The following CDCA2 variants were observed in gnomAD, a reference collection of about 807,000 sequenced individuals.
The protein encoded by CDCA2 is cell division cycle-associated protein 2.
In CDCA2, 44 loss-of-function variants were observed where a neutral mutation model predicts 67.0. That is an observed-to-expected ratio of 0.66 (90% CI 0.52 to 0.84). The LOEUF (loss-of-function observed/expected upper bound fraction) is 0.84, where lower values mean the gene tolerates loss of function less well. CDCA2 is among the 40% of genes least tolerant of loss of function. The probability of loss-of-function intolerance (pLI) is 0.00; values close to 1 mark genes in which losing one functional copy is unlikely to be tolerated. For missense variants in CDCA2, 1,253 were observed against 1,203.2 expected, an observed-to-expected ratio of 1.04 and a Z score of -0.61; for synonymous variants, 447 against 418.7, an observed-to-expected ratio of 1.07 and a Z score of -0.82.
chr8:25,470,218 G>A (rs985818198), intron 7 of CDCA2, among the ~76,000 whole-genome samples: 1 of 152,148 alleles, frequency 6.6e-6, no homozygotes, highest in Non-Finnish European at 1.5e-5. Context: ...TAAAGAGGTA[G>A]CACCTATGAA....
intron 14 of CDCA2, among the ~76,000 whole-genome samples, chr8:25,504,641 G>A (rs964474030): frequency 3.9e-5 from 6 of 152,196 alleles, no homozygotes; most frequent in African/African-American, 1.2e-4. Context: ...TAGCACAGGA[G>A]TTTAAATAAA....
chr8:25,477,017 T>G (rs1803379228), intron 7 of CDCA2, among the ~76,000 whole-genome samples: 2 of 152,214 alleles, frequency 1.3e-5, no homozygotes, highest in Non-Finnish European at 2.9e-5. Flanking sequence ...AGGATTGCCT[T>G]CTAGCCAGAA....
rs764666541 is a variant in CDCA2, at chr8:25,460,436, T to C, written c.114T>C (p.His38=). The part of the protein sequence containing the change: ...GTGKIVTPQK[H]AELPPNPCTP... ...GGAAGATTGTGACTCCTCAGAAGCA[T>C]GCCGAATTACCTCCTAATCCTTGCA... Residue 38 remains histidine, a synonymous_variant, in exon 3 of 15, where the codon CAT becomes CAC. Coordinates refer to ENST00000330560, the MANE Select transcript of CDCA2 (RefSeq NM_152562.4). The C allele has an allele frequency of 2.2e-5, 36 of 1,614,220 alleles. 2 individuals carry two copies. In the Admixed American group the frequency reaches 5.8e-4, roughly 26 times the overall value.
chr8:25,480,275 A>G lies in CDCA2; in HGVS notation c.1032+151A>G, dbSNP rs1056782111. On this transcript the variant is annotated intron_variant, in intron 8 of 14. Coordinates refer to ENST00000330560, the MANE Select transcript of CDCA2 (RefSeq NM_152562.4). ...TTTTTTTCCTCATCTTTTCTTATTA[A>G]CAACACTGGGTGTAGTTTCTTTTTG... 22 of 652,882 alleles carry G rather than the reference A, an allele frequency of 3.4e-5. No homozygotes were observed. In the East Asian group the frequency reaches 6.1e-4, roughly 18 times the overall value. 40.4% of individuals were successfully genotyped at this position (652,882 alleles called of 1,614,324 possible). A position where few individuals can be genotyped will look rare whatever the true frequency, so the allele number is the denominator to read the frequency against.
rs778065961 is a variant in CDCA2, at chr8:25,506,611, C to G, written c.1945C>G (p.Gln649Glu). 6 of 1,612,696 alleles carry G rather than the reference C, an allele frequency of 3.7e-6. No homozygotes were observed. Among genetic ancestry groups the G allele is most frequent in the African/African-American group, 2.7e-5 (2 of 74,942 alleles). ...TCATGACCCAGATTTGCATATGCATCAAGGCTATGATAAATATGATGTCTC... is the reference window on the plus strand; with the variant it reads ...TCATGACCCAGATTTGCATATGCATGAAGGCTATGATAAATATGATGTCTC... Reference protein sequence around the residue: ...LRHDPDLHMHQGYDKYDVSEF... With the variant: ...LRHDPDLHMHEGYDKYDVSEF... The change falls in exon 15 of 15, where the codon CAA becomes GAA. Residue 649 changes from glutamine to glutamate, a missense_variant. By Grantham distance (29) the Gln-to-Glu change is conservative. Coordinates refer to ENST00000330560, the MANE Select transcript of CDCA2 (RefSeq NM_152562.4).
At chr8:25,466,118 G>T in intron 4 of CDCA2, 57 bp from the exon 5 acceptor site, 1 of 1,512,224 alleles carries the variant, frequency 6.6e-7, no homozygotes, top group South Asian at 1.3e-5. Context: ...TGTAGGCCTA[G>T]AATATAGAAA....
rs925631766 is a variant in CDCA2, at chr8:25,504,420, G to A, written c.1843+876G>A. Among the ~76,000 whole-genome samples, 10 of 151,858 alleles carry A rather than the reference G, an allele frequency of 6.6e-5. 1 individual carries two copies. The highest frequency in any genetic ancestry group is 1.2e-4 in the Non-Finnish European group (8 of 67,968). On this transcript the variant is annotated intron_variant, in intron 14 of 14. Coordinates refer to ENST00000330560, the MANE Select transcript of CDCA2 (RefSeq NM_152562.4). ...TACTGATATTACAGGCAAGAGCCAC[G>A]CTGTCTTGCCTGAAAATGATAATGT...
intron 13 of CDCA2, among the ~76,000 whole-genome samples, chr8:25,495,122 T>A (rs1021125894): frequency 2.8e-4 from 42 of 152,196 alleles, no homozygotes; most frequent in Admixed American, 5.9e-4. Context: ...TAGTTTTGAT[T>A]TTTCAGTTGA....
chr8:25,500,815 C>A (rs925615309), intron 13 of CDCA2, among the ~76,000 whole-genome samples: 2 of 152,246 alleles, frequency 1.3e-5, no homozygotes, highest in Non-Finnish European at 2.9e-5. Flanking sequence ...ATATTCCCCA[C>A]AGCTTTATGT....
Position 25,507,103 on chromosome 8 carries a change from A to T in CDCA2, c.2437A>T (p.Arg813Ter). 1 of 1,614,214 alleles carries T rather than the reference A, an allele frequency of 6.2e-7. No individual in the cohort carries two copies. The highest frequency in any genetic ancestry group is 8.5e-7 in the Non-Finnish European group (1 of 1,180,034). Residue 813 changes from arginine to a stop codon, truncating the protein, a stop_gained, in exon 15 of 15, where the codon AGA (arginine) becomes TGA (stop). Coordinates refer to ENST00000330560, the MANE Select transcript of CDCA2 (RefSeq NM_152562.4). LOFTEE classifies it low-confidence loss of function (END_TRUNC). ...TAAAAGCCAGAGTGAGGATTTGGGAAGAAAACCCATGGAAAGTAGCAGTGT... is the reference window on the plus strand; with the variant it reads ...TAAAAGCCAGAGTGAGGATTTGGGATGAAAACCCATGGAAAGTAGCAGTGT... ...ESKSQSEDLG[R>*]KPMESSSVVS...
intron 8 of CDCA2, among the ~76,000 whole-genome samples, chr8:25,481,433 G>A (rs1270149123): frequency 1.3e-5 from 2 of 152,192 alleles, no homozygotes; most frequent in Non-Finnish European, 2.9e-5. Context: ...GCTTATGCCT[G>A]TAATCCCAGC....
chr8:25,466,365 T>G, intron 5 of CDCA2, 40 bp downstream of exon 5: 1 of 1,512,480 alleles, frequency 6.6e-7, no homozygotes. Flanking sequence ...CTTCAATATT[T>G]ATAAAGACAA....
intron 4 of CDCA2, among the ~76,000 whole-genome samples, chr8:25,464,812 T>TAA (rs1802835865): frequency 6.6e-6 from 1 of 152,206 alleles, no homozygotes; most frequent in African/African-American, 2.4e-5. Flanking sequence ...TTATTGCTGT[T>TAA]TATGTCGTGA....
chr8:25,499,385 C>T (rs927506129), intron 13 of CDCA2, among the ~76,000 whole-genome samples: 3 of 149,614 alleles, frequency 2.0e-5, no homozygotes, highest in Non-Finnish European at 4.4e-5. Flanking sequence ...CTCACTGCAG[C>T]CTCCGCCTCC....
In CDCA2 at chr8:25,484,134, G is replaced by T; in HGVS notation, c.1289G>T (p.Ser430Ile). Residue 430 changes from serine (S) to isoleucine (I), a missense_variant, in exon 10 of 15, where the codon AGT becomes ATT. Physicochemically the swap from Ser to Ile is moderately radical, Grantham distance 142 (BLOSUM62 -2). Coordinates refer to ENST00000330560, the MANE Select transcript of CDCA2 (RefSeq NM_152562.4). ...TGTAAAAAAGACTTCAGTGGTCTCAGTTCCCTGCTGCTTGAGCAGTCACCT... is the reference window on the plus strand; with the variant it reads ...TGTAAAAAAGACTTCAGTGGTCTCATTTCCCTGCTGCTTGAGCAGTCACCT... Reference protein sequence around the residue: ...PVCKKDFSGLSSLLLEQSPVP... With the variant: ...PVCKKDFSGLISLLLEQSPVP... 1 of 1,614,180 alleles carries T rather than the reference G, an allele frequency of 6.2e-7. No individual in the cohort carries two copies. Among genetic ancestry groups the T allele is most frequent in the Non-Finnish European group, 8.5e-7 (1 of 1,180,036 alleles).
At position 25,492,986 on chromosome 8, in the gene CDCA2, G is replaced by GTGTT. The variant is rs747201924; in HGVS notation, c.1671+4309_1671+4312dup. On this transcript the variant is annotated intron_variant, in intron 13 of 14. Transcript: ENST00000330560. ...AAATTCTGGACTCTGTTTTGTTTGT[G>GTGTT]TGTTTGTTTGTTTGTAAAACAGTGG... Among the ~76,000 whole-genome samples, 182 of 152,234 alleles carry GTGTT rather than the reference G, an allele frequency of 1.2e-3. 1 individual carries two copies. The highest frequency in any genetic ancestry group is 1.7e-3 in the Non-Finnish European group (116 of 68,014).
intron 5 of CDCA2, among the ~76,000 whole-genome samples, chr8:25,467,703 C>A (rs1802970042): frequency 6.6e-6 from 1 of 152,064 alleles, no homozygotes; most frequent in African/African-American, 2.4e-5. Context: ...AATGTATTAT[C>A]TTTTCAATAG....
rs1563255304 is a variant in CDCA2 at position 25,460,279 on chromosome 8, G to T, written c.40G>T (p.Glu14Ter). 1 of 1,614,116 alleles carries T rather than the reference G, an allele frequency of 6.2e-7. No homozygotes were observed. The highest frequency in any genetic ancestry group is 2.2e-5 in the East Asian group (1 of 44,878). Residue 14 changes from glutamate (E) to a stop codon, truncating the protein, a stop_gained, in exon 2 of 15, where the codon GAG becomes TAG. Transcript: ENST00000330560. LOFTEE classifies it high-confidence loss of function. ...NSKDKPPETKESAMNNAGNAS... is the reference protein window; with the variant it reads ...NSKDKPPETK ...AAAAGACAAGCCCCCTGAAACCAAGGAGTCTGCAATGAATAATGCTGGTAT... is the reference window on the plus strand; with the variant it reads ...AAAAGACAAGCCCCCTGAAACCAAGTAGTCTGCAATGAATAATGCTGGTAT...
At chr8:25,499,971 G>A (rs1052459683) in intron 13 of CDCA2, among the ~76,000 whole-genome samples, 2 of 152,194 alleles carry the variant, frequency 1.3e-5, no homozygotes, top group East Asian at 3.9e-4. Flanking sequence ...ACTAAGATCA[G>A]CTCTGCCAGA....
Sources: gnomAD v4.1 joint callset for allele counts (sites outside exome capture counted in the v4.1 genomes callset) on GRCh38, gnomAD v4.1.1 for gene constraint, MANE v1.5 for transcripts, NCBI Gene and HGNC (gene_info 2026-07-23, HGNC 2026-07-21) for gene names.